The following DERL2 variants were observed in gnomAD, a reference collection of about 807,000 sequenced individuals.
The protein encoded by DERL2 is derlin-2.
In DERL2, 13 loss-of-function variants were observed where a neutral mutation model predicts 32.0. The observed-to-expected ratio is 0.41, with a 90% CI of 0.26 to 0.65. The LOEUF (loss-of-function observed/expected upper bound fraction) is 0.65. DERL2 is among the 30% of genes least tolerant of loss of function. DERL2 has a pLI of 0.35. For missense variants in DERL2, 208 were observed against 296.3 expected (o/e 0.70, Z 2.19); for synonymous variants, 111 against 104.7 (o/e 1.06, Z -0.37).
Position 5,474,491 on chromosome 17 carries a change from T to A in DERL2, c.*193A>T. The stretch of plus-strand genomic sequence containing the variant: ...TAAGAAATTACACTTTCAGTACCAG[T>A]GTAGTGAGGAACCACTGGCAAACTG... On this transcript the variant is annotated 3_prime_UTR_variant, in exon 7 of 7. Coordinates refer to ENST00000158771, the MANE Select transcript of DERL2 (RefSeq NM_016041.5). The surrounding 1 kb of genome is among the most constrained non-coding windows in gnomAD (Gnocchi z 4.3). The A allele has an allele frequency of 4.0e-6, 2 of 503,630 alleles. No homozygotes were observed. 31.2% of individuals were successfully genotyped at this position (503,630 alleles called of 1,614,324 possible). A position where few individuals can be genotyped will look rare whatever the true frequency, so the allele number is the denominator to read the frequency against.
Position 5,472,631 on chromosome 17 carries a change from T to G in DERL2, c.*2053A>C, listed in dbSNP as rs1485529154. ...CCTGTTTTACCTAGTCATTAATGTA[T>G]ACAGATATTCCCTACTTAAATGAAC... On this transcript the variant is annotated 3_prime_UTR_variant, in exon 7 of 7. Coordinates refer to ENST00000158771, the MANE Select transcript of DERL2 (RefSeq NM_016041.5). The G allele has an allele frequency of 6.6e-6, 1 of 152,244 alleles. No individual in the cohort carries two copies. Among genetic ancestry groups the G allele is most frequent in the African/African-American group, 2.4e-5 (1 of 41,458 alleles). 9.4% of individuals were successfully genotyped at this position (152,244 alleles called of 1,614,324 possible).
chr17:5,484,141 T>A (rs1219265418), intron 2 of DERL2, among the ~76,000 whole-genome samples: 1 of 152,230 alleles, frequency 6.6e-6, no homozygotes, highest in Non-Finnish European at 1.5e-5. Context: ...GAAACACATT[T>A]GAGACAGACA....
At chr17:5,476,088 A>T (rs140898545) in intron 6 of DERL2, among the ~76,000 whole-genome samples, 365 of 152,320 alleles carry the variant, frequency 2.4e-3, no homozygotes, top group African/African-American at 8.5e-3. Context: ...CAAAATTTTT[A>T]AAAAATTAAC....
At chr17:5,485,656 A>C (rs1297807873) in intron 1 of DERL2, among the ~76,000 whole-genome samples, 1 of 152,108 alleles carries the variant, frequency 6.6e-6, no homozygotes, top group Non-Finnish European at 1.5e-5. Flanking sequence ...TTAGATCCAG[A>C]GACCCTTTTT....
Position 5,484,814 on chromosome 17 carries a change from C to A in DERL2, c.159+337G>T, listed in dbSNP as rs1805459. ...AGCTAGTCAGCCTCCTCTCATAGGA[C>A]AACGTTAAGTCTAAACCAGTGATTT... is the stretch of plus-strand genomic sequence containing the variant. On this transcript the variant is annotated intron_variant, in intron 2 of 6. Transcript: ENST00000158771. Among the ~76,000 whole-genome samples, 22 of 152,308 alleles carry A rather than the reference C, an allele frequency of 1.4e-4. No individual in the cohort carries two copies. In the East Asian group the frequency reaches 4.2e-3, roughly 29 times the overall value.
chr17:5,480,282 T>C, intron 5 of DERL2, 105 bp downstream of exon 5: 1 of 1,280,658 alleles, frequency 7.8e-7, no homozygotes, highest in Non-Finnish European at 1.1e-6. Flanking sequence ...ATTGTGGTAT[T>C]TTACAATAGG....
Position 5,481,438 on chromosome 17 carries a change from T to C in DERL2, c.234-49A>G. ...ATTAAGCACACGAATATGAACAAAG[T>C]AAAAATTTAATGTTATCTTGTAAGT... On this transcript the variant is annotated intron_variant, in intron 3 of 6. Coordinates refer to ENST00000158771, the MANE Select transcript of DERL2 (RefSeq NM_016041.5). This position sits in a 1 kb window ranked among gnomAD's most constrained non-coding sequence, Gnocchi z 4.4. The C allele has an allele frequency of 7.6e-7, 1 of 1,312,050 alleles. No homozygotes were observed. Among genetic ancestry groups the C allele is most frequent in the Non-Finnish European group, 1.1e-6 (1 of 911,116 alleles). The allele number at this position is 1,312,050 out of a possible 1,614,324, so 81.3% of individuals were successfully genotyped here. A position where few individuals can be genotyped will look rare whatever the true frequency, so the allele number is the denominator to read the frequency against.
intron 6 of DERL2, 137 bp downstream of exon 6, chr17:5,479,917 A>C (rs1206621023): frequency 1.7e-6 from 1 of 595,842 alleles, no homozygotes; most frequent in Non-Finnish European, 3.0e-6. Flanking sequence ...CTTCAACTGT[A>C]GCCAGAATGC....
chr17:5,473,605 T>C lies in DERL2; in HGVS notation c.*1079A>G, dbSNP rs75998519. 3 of 140,428 alleles carry C rather than the reference T, an allele frequency of 2.1e-5. No individual in the cohort carries two copies. In the South Asian group the frequency reaches 6.8e-4, roughly 32 times the overall value. The allele number at this position is 140,428 out of a possible 1,614,324, so 8.7% of individuals were successfully genotyped here. ...ATGAAAATCTGAGACCCTGTCTCTA[T>C]TTTTTTTTTTTAATTAAAAAAACAA... On this transcript the variant is annotated 3_prime_UTR_variant, in exon 7 of 7. Transcript: ENST00000158771.
At chr17:5,476,793 C>T (rs570044222) in intron 6 of DERL2, among the ~76,000 whole-genome samples, 4 of 152,150 alleles carry the variant, frequency 2.6e-5, no homozygotes, top group Non-Finnish European at 4.4e-5. Context: ...AAAACAGCAA[C>T]GACAACAAAA....
intron 6 of DERL2, 114 bp downstream of exon 6, chr17:5,479,940 T>G: frequency 1.5e-6 from 1 of 648,218 alleles, no homozygotes; most frequent in African/African-American, 1.9e-5. Flanking sequence ...AATCTGCAAA[T>G]GGTTACTGAC....
Position 5,474,705 on chromosome 17 carries a change from C to A in DERL2, c.699G>T (p.Glu233Asp), listed in dbSNP as rs760946814. 1.1e-5 allele frequency: 17 copies of A among 1,612,386 alleles called. No individual in the cohort carries two copies. The highest frequency in any genetic ancestry group is 1.4e-5 in the Non-Finnish European group (16 of 1,179,428). Reference protein sequence around the residue: ...EERPGGFAWGEGQRLGG With the variant: ...EERPGGFAWGDGQRLGG ...TGCTTTAACCTCCAAGCCGCTGGCC[C>A]TCACCCCAGGCGAAGCCTCCTGGCC... The change falls in exon 7 of 7, where the codon GAG becomes GAT. Residue 233 changes from glutamate (E) to aspartate (D), a missense_variant. This residue lies in a region of DERL2 where 40 missense variants were observed against 38.7 expected (regional missense o/e 1.03). Transcript: ENST00000158771. This position sits in a 1 kb window ranked among gnomAD's most constrained non-coding sequence, Gnocchi z 4.3.
rs1597372858 is a variant in DERL2, at chr17:5,479,987, A to G, written c.614+67T>C. The G allele has an allele frequency of 3.0e-6, 3 of 1,012,806 alleles. No individual in the cohort carries two copies. In the South Asian group the frequency reaches 4.3e-5, roughly 14 times the overall value. 62.7% of individuals were successfully genotyped at this position (1,012,806 alleles called of 1,614,324 possible). On this transcript the variant is annotated intron_variant, in intron 6 of 6. Coordinates refer to ENST00000158771, the MANE Select transcript of DERL2 (RefSeq NM_016041.5). The stretch of plus-strand genomic sequence containing the variant: ...GTACTAGGAGCTAGGGGAGCCAAAG[A>G]AAACACAGATCATGCCCCTGTCCTG...
At chr17:5,485,929 A>G in intron 1 of DERL2, 140 bp downstream of exon 1, 1 of 622,506 alleles carries the variant, frequency 1.6e-6, no homozygotes, top group Non-Finnish European at 2.6e-6. Flanking sequence ...GCCAACTCGA[A>G]CCCCAGAGTA....
chr17:5,482,174 C>T (rs1441596435), intron 3 of DERL2: 1 of 152,294 alleles, frequency 6.6e-6, no homozygotes, highest in East Asian at 1.9e-4. Flanking sequence ...GAATGATATC[C>T]TACATAGGAT....
Position 5,474,676 on chromosome 17 carries a change from C to G in DERL2, c.*8G>C. On this transcript the variant is annotated 3_prime_UTR_variant, in exon 7 of 7. Transcript: ENST00000158771. This position sits in a 1 kb window ranked among gnomAD's most constrained non-coding sequence, Gnocchi z 4.3. ...TCCCAGCTGGGTCTCATTATTGGCA[C>G]TGCTGCTTTAACCTCCAAGCCGCTG... 1 of 1,606,832 alleles carries G rather than the reference C, an allele frequency of 6.2e-7. No homozygotes were observed. The highest frequency in any genetic ancestry group is 8.5e-7 in the Non-Finnish European group (1 of 1,176,512).
At chr17:5,485,808 G>C in intron 1 of DERL2, 1 of 385,254 alleles carries the variant, frequency 2.6e-6, no homozygotes, top group Non-Finnish European at 4.6e-6. Context: ...TTGGGTGGGA[G>C]GCTCCCGCAA....
chr17:5,480,081 A>C lies in DERL2; in HGVS notation c.587T>G (p.Ile196Arg), dbSNP rs1389758966. Residue 196 changes from isoleucine (I) to arginine (R), a missense_variant, in exon 6 of 7, where the codon ATA becomes AGA. Physicochemically the swap from Ile to Arg is moderately conservative, Grantham distance 97. Transcript: ENST00000158771. ...EDVFPNQPGGIRILKTPSILK... is the reference protein window; with the variant it reads ...EDVFPNQPGGRRILKTPSILK... The stretch of plus-strand genomic sequence containing the variant: ...AATAGATGGTGTTTTCAGAATTCTT[A>C]TTCCACCAGGTTGATTGGGAAATAC... 6.2e-6 allele frequency: 10 copies of C among 1,609,706 alleles called. No homozygotes were observed. The highest frequency in any genetic ancestry group is 7.6e-6 in the Non-Finnish European group (9 of 1,176,502).
chr17:5,477,955 C>A (rs572468491), intron 6 of DERL2: 1 of 152,452 alleles, frequency 6.6e-6, no homozygotes, highest in Admixed American at 6.5e-5. Context: ...CCATTCTCCA[C>A]TTTAAAGGAA....
Sources: allele counts gnomAD v4.1 joint callset (sites outside exome capture counted in the v4.1 genomes callset), GRCh38; gene constraint gnomAD v4.1.1; regional missense constraint gnomAD v4.1.1; non-coding constraint Gnocchi (gnomAD v3.1); transcripts MANE v1.5; gene names NCBI Gene and HGNC (gene_info 2026-07-23, HGNC 2026-07-21).